PCDHGA5: variants seen among roughly 807,000 people sequenced by gnomAD.
The protein encoded by PCDHGA5 is protocadherin gamma subfamily A, 5.
PCDHGA5 carries 36 observed loss-of-function variants against 56.7 expected under a neutral mutation model. The observed-to-expected ratio is 0.64, with a 90% CI of 0.49 to 0.84. The LOEUF (loss-of-function observed/expected upper bound fraction) is 0.84. Among genes scored for constraint, PCDHGA5 ranks in the 40% least tolerant of loss-of-function variants. PCDHGA5 has a pLI of 0.00. For missense variants in PCDHGA5, 1,305 were observed against 1,201.5 expected (o/e 1.09, Z -1.27); for synonymous variants, 563 against 520.2 (o/e 1.08, Z -1.12).
intron 1 of PCDHGA5, chr5:141,418,346 A>G (rs780933957): frequency 1.7e-5 from 27 of 1,614,022 alleles, no homozygotes; most frequent in South Asian, 2.2e-5. Flanking sequence ...TCCTGATATT[A>G]GTATGAATTC....
At chr5:141,380,746 A>G (rs1321659123) in intron 1 of PCDHGA5, among the ~76,000 whole-genome samples, 1 of 152,254 alleles carries the variant, frequency 6.6e-6, no homozygotes, top group African/African-American at 2.4e-5. Context: ...CAAAGAAGGT[A>G]CCAAGACACT....
chr5:141,477,808 C>T lies in PCDHGA5; in HGVS notation c.2422-16999C>T, dbSNP rs750186099. 2.5e-6 allele frequency: 4 copies of T among 1,613,994 alleles called. No individual in the cohort carries two copies. In the African/African-American group the frequency reaches 4.0e-5, roughly 16 times the overall value. On this transcript the variant is annotated intron_variant, in intron 1 of 3. Coordinates refer to ENST00000518069, the MANE Select transcript of PCDHGA5 (RefSeq NM_018918.3). The surrounding 1 kb of genome is among the most constrained non-coding windows in gnomAD (Gnocchi z 4.9). ...TTGTCACTGATCGCAATGACAATGC[C>T]CCCCAGGTCCTATATCCTCGGCCAG...
rs200368368 is a variant in PCDHGA5 at position 141,371,922 on chromosome 5, C to T, written c.2421+5171C>T. 2.5e-4 allele frequency: 410 copies of T among 1,613,228 alleles called. No individual in the cohort carries two copies. The highest frequency in any genetic ancestry group is 3.3e-4 in the Non-Finnish European group (394 of 1,179,902). On this transcript the variant is annotated intron_variant, in intron 1 of 3. Transcript: ENST00000518069. ...GTCGTCCTACGTGTCCGTGAGCGCG[C>T]GGAGCGGGGTGGTGTTCGCGCAGCG...
chr5:141,435,334 T>A (rs1223377462), intron 1 of PCDHGA5, among the ~76,000 whole-genome samples: 1 of 152,196 alleles, frequency 6.6e-6, no homozygotes, highest in African/African-American at 2.4e-5. Flanking sequence ...ATATAGTGAA[T>A]TTATTTCTTC....
intron 1 of PCDHGA5, chr5:141,384,799 G>A: frequency 1.2e-6 from 2 of 1,613,476 alleles, no homozygotes; most frequent in South Asian, 1.1e-5. Context: ...GGCCCTGCTG[G>A]ACAGAGATGC....
chr5:141,364,335 C>A lies in PCDHGA5; in HGVS notation c.5C>A (p.Ala2Glu). 6.5e-7 allele frequency: 1 copy of A among 1,532,788 alleles called. No homozygotes were observed. Among genetic ancestry groups the A allele is most frequent in the South Asian group, 1.3e-5 (1 of 77,074 alleles). The allele number at this position is 1,532,788 out of a possible 1,614,324, so 94.9% of individuals were successfully genotyped here. A position where few individuals can be genotyped will look rare whatever the true frequency, so the allele number is the denominator to read the frequency against. The change falls in exon 1 of 4, where the codon GCG becomes GAG. Residue 2 changes from alanine to glutamate, a missense_variant. Ala to Glu is a moderately radical substitution (Grantham distance 107, BLOSUM62 -1). Coordinates refer to ENST00000518069, the MANE Select transcript of PCDHGA5 (RefSeq NM_018918.3). M[A>E]SPPRGWGCGE... Reference sequence around the variant, plus strand: ...AAATTGGGCAGAGAGAAGGCAATGGCGAGTCCACCTAGGGGCTGGGGCTGC... The same window carrying A: ...AAATTGGGCAGAGAGAAGGCAATGGAGAGTCCACCTAGGGGCTGGGGCTGC...
chr5:141,492,719 C>A (rs1367632029), intron 1 of PCDHGA5, among the ~76,000 whole-genome samples: 1 of 152,280 alleles, frequency 6.6e-6, no homozygotes, highest in Non-Finnish European at 1.5e-5. Context: ...AGCAGGCGGA[C>A]AGGCAGAGCT....
Position 141,438,593 on chromosome 5 carries a change from T to TAC in PCDHGA5, c.2422-56213_2422-56212insCA, listed in dbSNP as rs1414976871. Reference sequence around the variant, plus strand: ...TGATATACATACATACATACATACATATATATATATATATATATATATATA... The same window carrying TAC: ...TGATATACATACATACATACATACATACATATATATATATATATATATATATA... On this transcript the variant is annotated intron_variant, in intron 1 of 3. Transcript: ENST00000518069. Among the ~76,000 whole-genome samples the TAC allele has an allele frequency of 1.6e-3, 115 of 73,944 alleles. 1 individual carries two copies. The highest frequency in any genetic ancestry group is 2.9e-3 in the African/African-American group (63 of 21,786). The allele number at this position is 73,944 out of a possible 152,430, so 48.5% of individuals were successfully genotyped here. A position where few individuals can be genotyped will look rare whatever the true frequency, so the allele number is the denominator to read the frequency against.
chr5:141,398,656 A>G, intron 1 of PCDHGA5: 1 of 1,614,034 alleles, frequency 6.2e-7, no homozygotes, highest in African/African-American at 1.3e-5. Context: ...TCTTAACCCA[A>G]GTTTCTCATT....
At chr5:141,479,189 G>A (rs1466742057) in intron 1 of PCDHGA5, 3 of 152,358 alleles carry the variant, frequency 2.0e-5, no homozygotes, top group African/African-American at 7.2e-5. Flanking sequence ...AGAAAATTCA[G>A]AAAATACAGA....
chr5:141,444,329 G>T (rs536314842), intron 1 of PCDHGA5, among the ~76,000 whole-genome samples: 1 of 151,792 alleles, frequency 6.6e-6, no homozygotes, highest in Admixed American at 6.6e-5. Context: ...GTGCCACCAC[G>T]CCCAGCTAAT....
At position 141,444,986 on chromosome 5, in the gene PCDHGA5, T is replaced by C. The variant is rs990862582; in HGVS notation, c.2422-49821T>C. On this transcript the variant is annotated intron_variant, in intron 1 of 3. Transcript: ENST00000518069. ...TGACACTTCAAATCCATGAACATGG[T>C]ATATATTTCCATTTAATTAGGTCTT... Among the ~76,000 whole-genome samples, 4 of 152,206 alleles carry C rather than the reference T, an allele frequency of 2.6e-5. No individual in the cohort carries two copies. The East Asian group carries it at 7.7e-4, about 29-fold the overall frequency.
chr5:141,422,605 G>A (rs2096658595), intron 1 of PCDHGA5: 1 of 1,613,898 alleles, frequency 6.2e-7, no homozygotes, highest in Non-Finnish European at 8.5e-7. Flanking sequence ...CTCTTACTCT[G>A]CCTACATTCC....
intron 1 of PCDHGA5, chr5:141,421,909 C>T: frequency 1.9e-6 from 3 of 1,613,710 alleles, no homozygotes; most frequent in Non-Finnish European, 2.5e-6. Context: ...GGGCGCAGTT[C>T]CCATTCGTGT....
chr5:141,404,907 C>T (rs2094582940), intron 1 of PCDHGA5: 1 of 1,613,890 alleles, frequency 6.2e-7, no homozygotes. Context: ...CATGGCCAGC[C>T]CCCTCTCTCG....
At chr5:141,417,913 T>C in intron 1 of PCDHGA5, 1 of 1,601,944 alleles carries the variant, frequency 6.2e-7, no homozygotes, top group Admixed American at 1.8e-5. Context: ...AGGTACTATT[T>C]CCTTTGCTGC....
At chr5:141,414,629 G>T in intron 1 of PCDHGA5, 1 of 1,614,000 alleles carries the variant, frequency 6.2e-7, no homozygotes. Context: ...GACCCGGACA[G>T]CAAAGAGAAT....
chr5:141,421,838 A>G (rs2096604619), intron 1 of PCDHGA5: 1 of 1,613,764 alleles, frequency 6.2e-7, no homozygotes, highest in East Asian at 2.2e-5. Flanking sequence ...CTGGACCGAG[A>G]GAAAGAGGCT....
intron 1 of PCDHGA5, chr5:141,400,270 T>G: frequency 6.2e-7 from 1 of 1,614,058 alleles, no homozygotes; most frequent in Non-Finnish European, 8.5e-7. Flanking sequence ...GCGACGCTCC[T>G]CCAGCCCTGC....
Sources: gnomAD v4.1 joint callset for allele counts (sites outside exome capture counted in the v4.1 genomes callset) on GRCh38, gnomAD v4.1.1 for gene constraint, Gnocchi (gnomAD v3.1) non-coding constraint, MANE v1.5 for transcripts, NCBI Gene and HGNC (gene_info 2026-07-23, HGNC 2026-07-21) for gene names.